The following MTFR1 variants were observed in gnomAD, a reference collection of about 807,000 sequenced individuals.
MTFR1 encodes the protein chondrocyte protein with a poly-proline region.
A neutral mutation model predicts 38.8 loss-of-function variants in MTFR1; 28 were observed. That is an observed-to-expected ratio of 0.72 (90% confidence interval 0.53 to 0.99). The LOEUF is 0.99. Among genes scored for constraint, MTFR1 ranks in the 50% least tolerant of loss-of-function variants. MTFR1 has a pLI of 0.00. For missense variants in MTFR1, 358 were observed against 395.5 expected, an observed-to-expected ratio of 0.91 and a Z score of 0.81; for synonymous variants, 145 against 137.0, an observed-to-expected ratio of 1.06 and a Z score of -0.41.
chr8:65,682,713 G>T, intron 3 of MTFR1: 1 of 952,954 alleles, frequency 1.0e-6, no homozygotes, highest in Non-Finnish European at 1.2e-6. Flanking sequence ...CTAAGCAGTT[G>T]TTAATTCCTA....
At chr8:65,746,235 AG>A (rs991659782) in intron 3 of MTFR1, among the ~76,000 whole-genome samples, 74 of 152,050 alleles carry the variant, frequency 4.9e-4, no homozygotes, top group African/African-American at 1.6e-3. Context: ...CACCCAGCCC[AG>A]GCATTGTTTT....
At chr8:65,670,863 G>A (rs937321088) in intron 2 of MTFR1, among the ~76,000 whole-genome samples, 2 of 151,860 alleles carry the variant, frequency 1.3e-5, no homozygotes, top group Admixed American at 6.6e-5. Context: ...CACCACCACG[G>A]CCAGCTAATT....
intron 1 of MTFR1, among the ~76,000 whole-genome samples, chr8:65,669,611 G>A (rs1197987967): frequency 2.6e-5 from 4 of 151,780 alleles, no homozygotes; most frequent in Non-Finnish European, 5.9e-5. Flanking sequence ...GAGTACAATG[G>A]CGCGATCTTG....
chr8:65,693,778 C>G lies in MTFR1; in HGVS notation c.281+19C>G. 6.4e-7 allele frequency: 1 copy of G among 1,562,214 alleles called. No homozygotes were observed. The highest frequency in any genetic ancestry group is 1.7e-5 in the Admixed American group (1 of 59,802). On this transcript the variant is annotated intron_variant, in intron 4 of 7. Transcript: ENST00000262146. ...GACTAAGGTTAGTTTGGAAGGCTATCAGAACTGAGATGCAATATCTATTTT... is the reference window on the plus strand; with the variant it reads ...GACTAAGGTTAGTTTGGAAGGCTATGAGAACTGAGATGCAATATCTATTTT...
chr8:65,646,561 C>G (rs973432181), intron 1 of MTFR1, among the ~76,000 whole-genome samples: 8 of 152,092 alleles, frequency 5.3e-5, no homozygotes, highest in Non-Finnish European at 1.2e-4. Context: ...GAAAACATAG[C>G]TCAACAAATA....
chr8:65,693,512 T>C, intron 3 of MTFR1, 132 bp from the exon 4 acceptor site: 1 of 650,680 alleles, frequency 1.5e-6, no homozygotes, highest in Admixed American at 2.6e-5. Context: ...ATGGAGACCT[T>C]CAGTGGAAGA....
Position 65,693,588 on chromosome 8 carries a change from A to AT in MTFR1, c.166-53dup. 4.0e-6 allele frequency: 6 copies of AT among 1,501,400 alleles called. No homozygotes were observed. The South Asian group carries it at 4.6e-5, about 12-fold the overall frequency. The allele number at this position is 1,501,400 out of a possible 1,614,324, so 93.0% of individuals were successfully genotyped here. A position where few individuals can be genotyped will look rare whatever the true frequency, so the allele number is the denominator to read the frequency against. On this transcript the variant is annotated intron_variant, in intron 3 of 7. Coordinates refer to ENST00000262146, the MANE Select transcript of MTFR1 (RefSeq NM_014637.4). ...ATTTTCCTTTAGGTGAGTAAAAAAA[A>AT]TTTAACATTTTGGTGCCATCTTTGG...
intron 3 of MTFR1, among the ~76,000 whole-genome samples, chr8:65,765,280 G>C (rs1316794340): frequency 1.3e-5 from 2 of 151,580 alleles, no homozygotes; most frequent in South Asian, 2.1e-4. Flanking sequence ...ACGAGGTCAG[G>C]AGATCGAGAC....
At chr8:65,676,023 G>T (rs938516997) in intron 2 of MTFR1, among the ~76,000 whole-genome samples, 1 of 152,140 alleles carries the variant, frequency 6.6e-6, no homozygotes, top group African/African-American at 2.4e-5. Context: ...TTGTACTCTG[G>T]TTTTCTTTTG....
chr8:65,676,260 C>T (rs1232392608), intron 2 of MTFR1, among the ~76,000 whole-genome samples: 1 of 152,138 alleles, frequency 6.6e-6, no homozygotes, highest in African/African-American at 2.4e-5. Flanking sequence ...ATGCTCTTCC[C>T]AGAAAAGTAA....
At chr8:65,734,804 T>A (rs774809349) in intron 3 of MTFR1, 2 of 1,590,518 alleles carry the variant, frequency 1.3e-6, no homozygotes, top group Non-Finnish European at 1.7e-6. Context: ...CTTAGGTTCC[T>A]TTAAGTAACA....
intron 3 of MTFR1, among the ~76,000 whole-genome samples, chr8:65,768,360 T>C (rs1202932216): frequency 2.6e-5 from 4 of 152,146 alleles, no homozygotes; most frequent in African/African-American, 7.2e-5. Context: ...GGGAGGGACC[T>C]GGTAGGAGGT....
the MTFR1 span, among the ~76,000 whole-genome samples, chr8:65,777,358 C>A: frequency 6.6e-6 from 1 of 152,052 alleles, no homozygotes; most frequent in East Asian, 1.9e-4. Flanking sequence ...GGATTACAAG[C>A]GTGAGCCACA....
At position 65,727,552 on chromosome 8, in the gene MTFR1, AT is replaced by A. The variant is rs1439004311; in HGVS notation, c.*48+8074del. ...AGTTTACAGAGTTCATCCTTAGGCC[AT>A]TTCATTTTTAACAAGCTTAATTAAA... On this transcript the variant is annotated intron_variant, in intron 3 of 3. Transcript: ENST00000521247. 3 of 337,500 alleles carry A rather than the reference AT, an allele frequency of 8.9e-6. No individual in the cohort carries two copies. The Admixed American group carries it at 1.4e-4, about 16-fold the overall frequency. The allele number at this position is 337,500 out of a possible 1,614,324, so 20.9% of individuals were successfully genotyped here. A position where few individuals can be genotyped will look rare whatever the true frequency, so the allele number is the denominator to read the frequency against.
chr8:65,711,292 C>T (rs1805936720), downstream of MTFR1, among the ~76,000 whole-genome samples: 1 of 152,136 alleles, frequency 6.6e-6, no homozygotes, highest in South Asian at 2.1e-4. Context: ...CTTGTGTCTT[C>T]TTTCTGTATT....
intron 3 of MTFR1, among the ~76,000 whole-genome samples, chr8:65,767,954 G>T (rs1198154625): frequency 6.6e-6 from 1 of 152,184 alleles, no homozygotes; most frequent in Non-Finnish European, 1.5e-5. Context: ...ACTTGTGACT[G>T]GTGTCTGGGT....
At chr8:65,772,584 C>A (rs759238040), downstream of MTFR1, among the ~76,000 whole-genome samples, 1 of 152,084 alleles carries the variant, frequency 6.6e-6, no homozygotes, top group African/African-American at 2.4e-5. Flanking sequence ...TCAACTAGTG[C>A]AAGGGAGAAA....
At chr8:65,743,892 G>A (rs1282884382) in intron 3 of MTFR1, among the ~76,000 whole-genome samples, 1 of 151,896 alleles carries the variant, frequency 6.6e-6, no homozygotes, top group Non-Finnish European at 1.5e-5. Context: ...GAGTGCAATG[G>A]CGCGATCTCA....
chr8:65,714,813 T>C (rs1806069854), downstream of MTFR1: 4 of 152,204 alleles, frequency 2.6e-5, no homozygotes, highest in Non-Finnish European at 5.9e-5. Flanking sequence ...AAAAAGATCA[T>C]TTTCAGAATC....
Sources: gnomAD v4.1 joint callset for allele counts (sites outside exome capture counted in the v4.1 genomes callset) on GRCh38, gnomAD v4.1.1 for gene constraint, MANE v1.5 for transcripts, NCBI Gene and HGNC (gene_info 2026-07-23, HGNC 2026-07-21) for gene names.